Variants in FXN observed in about 807,000 individuals in gnomAD.
FXN encodes frataxin, mitochondrial.
A neutral mutation model predicts 22.4 loss-of-function variants in FXN; 14 were observed. The ratio of observed to expected loss-of-function variants is 0.62; its 90% CI spans 0.41 to 0.98. The LOEUF (loss-of-function observed/expected upper bound fraction) is 0.98. Ranked by LOEUF, FXN falls within the 50% of genes least tolerant of loss-of-function variation. The pLI, the probability that FXN is intolerant of heterozygous loss-of-function variation, is 0.00. For synonymous variants in FXN, 120 were observed against 114.1 expected, an observed-to-expected ratio of 1.05 and a Z score of -0.33; for missense variants, 267 against 268.4, an observed-to-expected ratio of 0.99 and a Z score of 0.04.
chr9:69,063,490 A>C (rs1832112925), intron 3 of FXN, among the ~76,000 whole-genome samples: 1 of 152,162 alleles, frequency 6.6e-6, no homozygotes, highest in Non-Finnish European at 1.5e-5. Flanking sequence ...GAACCGAGTA[A>C]ATAGTGGTTA....
At chr9:69,063,502 T>C (rs2133125196) in intron 3 of FXN, among the ~76,000 whole-genome samples, 1 of 152,314 alleles carries the variant, frequency 6.6e-6, no homozygotes, top group Admixed American at 6.5e-5. Flanking sequence ...TAGTGGTTAA[T>C]ATTTTTATCA....
At chr9:69,069,390 C>T (rs1240860136) in intron 4 of FXN, among the ~76,000 whole-genome samples, 2 of 152,144 alleles carry the variant, frequency 1.3e-5, no homozygotes, top group Non-Finnish European at 2.9e-5. Context: ...AAGGAAAGGC[C>T]AAGGCAGGAA....
In FXN at chr9:69,056,945, A is replaced by G. The variant is rs1233236366; in HGVS notation, c.384+3685A>G. Among the ~76,000 whole-genome samples the G allele has an allele frequency of 4.3e-5, 6 of 139,446 alleles. 1 individual carries two copies. The highest frequency in any genetic ancestry group is 1.0e-4 in the Non-Finnish European group (6 of 59,554). The allele number at this position is 139,446 out of a possible 152,430, so 91.5% of individuals were successfully genotyped here. A position where few individuals can be genotyped will look rare whatever the true frequency, so the allele number is the denominator to read the frequency against. ...TTTTTAGTAGAGACTGGGTTTTGCC[A>G]TGTTGTCAGGCTAGTCTTGAACTCC... is the stretch of plus-strand genomic sequence containing the variant. On this transcript the variant is annotated intron_variant, in intron 3 of 4. Transcript: ENST00000484259.
At chr9:69,048,197 C>T (rs1172534173) in intron 2 of FXN, among the ~76,000 whole-genome samples, 2 of 152,186 alleles carry the variant, frequency 1.3e-5, no homozygotes, top group Non-Finnish European at 2.9e-5. Flanking sequence ...GGGCAGGTAC[C>T]TTGAAGTCAA....
intron 1 of FXN, among the ~76,000 whole-genome samples, chr9:69,044,355 C>T (rs748223169): frequency 1.3e-5 from 2 of 152,174 alleles, no homozygotes; most frequent in African/African-American, 2.4e-5. Flanking sequence ...CATGGCTGCC[C>T]TCTCACTTCT....
intron 1 of FXN, among the ~76,000 whole-genome samples, chr9:69,044,234 C>G (rs182945884): frequency 1.3e-5 from 2 of 152,088 alleles, no homozygotes; most frequent in Admixed American, 1.3e-4. Flanking sequence ...AATAAGAGTA[C>G]GTCCCTCACA....
In FXN at chr9:69,074,908, A is replaced by G. The variant is rs1832339250; in HGVS notation, c.*2146A>G. ...ATCATACATGTTTGTATGTGTTTGC[A>G]TCTTGCTTCTACTGAAAGTTTCAGT... On this transcript the variant is annotated 3_prime_UTR_variant, in exon 5 of 5. Transcript: ENST00000484259. 1.0e-6 allele frequency: 1 copy of G among 985,312 alleles called. No individual in the cohort carries two copies. Among genetic ancestry groups the G allele is most frequent in the Non-Finnish European group, 1.2e-6 (1 of 829,944 alleles). 61.0% of individuals were successfully genotyped at this position (985,312 alleles called of 1,614,324 possible).
At position 69,073,835 on chromosome 9, in the gene FXN, A is replaced by G. The variant is rs1331107314; in HGVS notation, c.*1073A>G. 1 of 985,220 alleles carries G rather than the reference A, an allele frequency of 1.0e-6. No homozygotes were observed. The highest frequency in any genetic ancestry group is 6.2e-5 in the Admixed American group (1 of 16,258). 61.0% of individuals were successfully genotyped at this position (985,220 alleles called of 1,614,324 possible). A position where few individuals can be genotyped will look rare whatever the true frequency, so the allele number is the denominator to read the frequency against. Reference sequence around the variant, plus strand: ...AGAACAGTTTTTAAGCTATATAGGAAACATTGTTATTGGTGTTGCCCTATC... The same window carrying G: ...AGAACAGTTTTTAAGCTATATAGGAGACATTGTTATTGGTGTTGCCCTATC... On this transcript the variant is annotated 3_prime_UTR_variant, in exon 5 of 5. Transcript: ENST00000484259.
rs1832368932 is a variant in FXN, at chr9:69,076,309, A to T, written c.*3547A>T. The T allele has an allele frequency of 4.1e-6, 4 of 985,118 alleles. No individual in the cohort carries two copies. Among genetic ancestry groups the T allele is most frequent in the Non-Finnish European group, 4.8e-6 (4 of 829,818 alleles). 61.0% of individuals were successfully genotyped at this position (985,118 alleles called of 1,614,324 possible). A position where few individuals can be genotyped will look rare whatever the true frequency, so the allele number is the denominator to read the frequency against. On this transcript the variant is annotated 3_prime_UTR_variant, in exon 5 of 5. Coordinates refer to ENST00000484259, the MANE Select transcript of FXN (RefSeq NM_000144.5). ...CACAATCCTGATGTGAGAAGTACTC[A>T]GTTCATGACAACTGTTGTTCTCACA...
rs76470259 is a variant in FXN, at chr9:69,045,464, G to C, written c.166-921G>C. Among the ~76,000 whole-genome samples the C allele has an allele frequency of 6.6e-5, 10 of 152,216 alleles. No individual in the cohort carries two copies. In the East Asian group the frequency reaches 1.9e-3, roughly 29 times the overall value. On this transcript the variant is annotated intron_variant, in intron 1 of 4. Coordinates refer to ENST00000484259, the MANE Select transcript of FXN (RefSeq NM_000144.5). The stretch of plus-strand genomic sequence containing the variant: ...TACAAAAAATCGGGTGCGGTGGCGG[G>C]TGCCTGTAATCCCAGCTACGCGGGA...
In FXN at chr9:69,073,001, C is replaced by G; in HGVS notation, c.*239C>G. On this transcript the variant is annotated 3_prime_UTR_variant, in exon 5 of 5. Transcript: ENST00000484259. Reference sequence around the variant, plus strand: ...TTGGATTGTCGGATTTCCTCCCTCACATGATACCCCTTATCTTTTATAATG... The same window carrying G: ...TTGGATTGTCGGATTTCCTCCCTCAGATGATACCCCTTATCTTTTATAATG... 3.5e-6 allele frequency: 5 copies of G among 1,424,852 alleles called. No homozygotes were observed. The highest frequency in any genetic ancestry group is 4.6e-6 in the Non-Finnish European group (5 of 1,096,146). 88.3% of individuals were successfully genotyped at this position (1,424,852 alleles called of 1,614,324 possible).
At chr9:69,072,564 CT>C in intron 4 of FXN, 47 bp from the exon 5 acceptor site, 1 of 1,612,972 alleles carries the variant, frequency 6.2e-7, no homozygotes, top group Non-Finnish European at 8.5e-7. Flanking sequence ...AGTGGTTCAT[CT>C]GAAGGGCTGT....
At chr9:69,046,058 C>A (rs564137122) in intron 1 of FXN, among the ~76,000 whole-genome samples, 1 of 152,078 alleles carries the variant, frequency 6.6e-6, no homozygotes, top group Admixed American at 6.6e-5. Flanking sequence ...CTTTGGTCTG[C>A]GAATCTACTG....
chr9:69,048,590 C>T lies in FXN; in HGVS notation c.263+2108C>T, dbSNP rs138580670. On this transcript the variant is annotated intron_variant, in intron 2 of 4. Coordinates refer to ENST00000484259, the MANE Select transcript of FXN (RefSeq NM_000144.5). ...ATTGCACTCCAGCCTGGGTAACGAG[C>T]GAAATTCCATCTCTAAAAAAAAGAA... Among the ~76,000 whole-genome samples, 806 of 151,192 alleles carry T rather than the reference C, an allele frequency of 5.3e-3. 1 individual carries two copies. The highest frequency in any genetic ancestry group is 0.018 in the African/African-American group (734 of 41,184).
Position 69,074,644 on chromosome 9 carries a change from A to G in FXN, c.*1882A>G, listed in dbSNP as rs1178376410. 1 of 984,936 alleles carries G rather than the reference A, an allele frequency of 1.0e-6. No homozygotes were observed. Among genetic ancestry groups the G allele is most frequent in the African/African-American group, 1.7e-5 (1 of 57,218 alleles). The allele number at this position is 984,936 out of a possible 1,614,324, so 61.0% of individuals were successfully genotyped here. A position where few individuals can be genotyped will look rare whatever the true frequency, so the allele number is the denominator to read the frequency against. ...GCTGGGAGCAGTGGCATATACCTAT[A>G]GTCCCAGCTGCACAGGAGGCTGAGA... On this transcript the variant is annotated 3_prime_UTR_variant, in exon 5 of 5. Coordinates refer to ENST00000484259, the MANE Select transcript of FXN (RefSeq NM_000144.5).
intron 3 of FXN, among the ~76,000 whole-genome samples, chr9:69,060,871 T>G (rs1380173363): frequency 6.6e-6 from 1 of 152,136 alleles, no homozygotes; most frequent in African/African-American, 2.4e-5. Context: ...GATGCTAGCA[T>G]GAAAAGACAG....
Position 69,035,767 on chromosome 9 carries a change from G to A in FXN, c.-16G>A. 6.7e-7 allele frequency: 1 copy of A among 1,497,156 alleles called. No individual in the cohort carries two copies. Among genetic ancestry groups the A allele is most frequent in the Non-Finnish European group, 8.9e-7 (1 of 1,128,624 alleles). The allele number at this position is 1,497,156 out of a possible 1,614,324, so 92.7% of individuals were successfully genotyped here. ...CCAGCGCTGGAGGGCGGAGCGGGCG[G>A]CAGACCCGGAGCAGCATGTGGACTC... is the stretch of plus-strand genomic sequence containing the variant. On this transcript the variant is annotated 5_prime_UTR_variant, in exon 1 of 5. Coordinates refer to ENST00000484259, the MANE Select transcript of FXN (RefSeq NM_000144.5).
At chr9:69,065,164 G>A in intron 4 of FXN, 129 bp downstream of exon 4, 1 of 732,476 alleles carries the variant, frequency 1.4e-6, no homozygotes, top group Non-Finnish European at 2.4e-6. Flanking sequence ...ACTTTGAGAG[G>A]CTGAGGTAGG....
At chr9:69,061,623 C>T (rs1054462394) in intron 3 of FXN, among the ~76,000 whole-genome samples, 1 of 151,802 alleles carries the variant, frequency 6.6e-6, no homozygotes, top group Non-Finnish European at 1.5e-5. Flanking sequence ...CACCCATTAA[C>T]TCGTCATTTA....
Sources: allele counts gnomAD v4.1 joint callset (sites outside exome capture counted in the v4.1 genomes callset), GRCh38; gene constraint gnomAD v4.1.1; transcripts MANE v1.5; gene names NCBI Gene and HGNC (gene_info 2026-07-23, HGNC 2026-07-21).